The following SHROOM3 variants were observed in gnomAD, a reference collection of about 807,000 sequenced individuals.
SHROOM3 encodes protein Shroom3.
A neutral mutation model predicts 138.6 loss-of-function variants in SHROOM3; 47 were observed. The observed-to-expected ratio is 0.34, with a 90% confidence interval of 0.27 to 0.43. The LOEUF is 0.43. Among genes scored for constraint, SHROOM3 ranks in the 20% least tolerant of loss-of-function variants. SHROOM3 has a pLI of 1.00. For synonymous variants in SHROOM3, 1,062 were observed against 1,063.3 expected (o/e 1.00, Z 0.02); for missense variants, 2,491 against 2,596.5 (o/e 0.96, Z 0.88).
chr4:76,660,953 C>A (rs1204278521), intron 2 of SHROOM3, among the ~76,000 whole-genome samples: 1 of 152,068 alleles, frequency 6.6e-6, no homozygotes. Flanking sequence ...GCATGTACCA[C>A]CATGCCGGCT....
At chr4:76,681,681 C>T (rs1020798173) in intron 2 of SHROOM3, among the ~76,000 whole-genome samples, 2 of 137,132 alleles carry the variant, frequency 1.5e-5, no homozygotes, top group Admixed American at 7.7e-5. Context: ...TCACCATTCC[C>T]CATGCTAGTG....
chr4:76,707,386 C>T (rs185541225), intron 2 of SHROOM3, among the ~76,000 whole-genome samples: 2 of 152,070 alleles, frequency 1.3e-5, no homozygotes, highest in Non-Finnish European at 2.9e-5. Context: ...GGACTTAAAC[C>T]CTCATTCATT....
At chr4:76,572,731 T>C (rs1577893723) in intron 2 of SHROOM3, among the ~76,000 whole-genome samples, 1 of 152,180 alleles carries the variant, frequency 6.6e-6, no homozygotes, top group South Asian at 2.1e-4. Context: ...TTATGGTTTG[T>C]GGGTAGGAAG....
intron 5 of SHROOM3, among the ~76,000 whole-genome samples, chr4:76,748,181 TAAACAA>T (rs1721504126): frequency 6.6e-6 from 1 of 152,102 alleles, no homozygotes; most frequent in African/African-American, 2.4e-5. Flanking sequence ...TCTCAACCAC[TAAACAA>T]AAACAATGAG....
intron 1 of SHROOM3, among the ~76,000 whole-genome samples, chr4:76,469,365 G>C (rs1731318862): frequency 6.6e-6 from 1 of 152,162 alleles, no homozygotes; most frequent in South Asian, 2.1e-4. Context: ...GCAGGTTAAG[G>C]GATGTGTAGT....
At chr4:76,669,559 AGCCGAGATCGG>A (rs1718815809) in intron 2 of SHROOM3, among the ~76,000 whole-genome samples, 1 of 151,990 alleles carries the variant, frequency 6.6e-6, no homozygotes, top group African/African-American at 2.4e-5. Flanking sequence ...GGTTGCAGTG[AGCCGAGATCGG>A]GCCACTGCAC....
Position 76,676,835 on chromosome 4 carries a change from C to G in SHROOM3, c.324-33321C>G, listed in dbSNP as rs377745075. 2.0e-5 allele frequency among the ~76,000 whole-genome samples: 3 copies of G among 149,140 alleles called. No homozygotes were observed. In the South Asian group the frequency reaches 6.4e-4, roughly 32 times the overall value. ...GCCGGCGCCTGTAGTCCCAGCTACT[C>G]GGGAGGCTGAGGCAGGAGAATGGCG... is the stretch of plus-strand genomic sequence containing the variant. On this transcript the variant is annotated intron_variant, in intron 2 of 10. Coordinates refer to ENST00000296043, the MANE Select transcript of SHROOM3 (RefSeq NM_020859.4).
At chr4:76,588,630 C>G (rs1038603958) in intron 2 of SHROOM3, among the ~76,000 whole-genome samples, 1 of 152,158 alleles carries the variant, frequency 6.6e-6, no homozygotes, top group Non-Finnish European at 1.5e-5. Context: ...GCCTTGGCCC[C>G]TGACTTTTCC....
At chr4:76,630,261 G>C (rs554730568) in intron 2 of SHROOM3, among the ~76,000 whole-genome samples, 2 of 152,288 alleles carry the variant, frequency 1.3e-5, no homozygotes, top group South Asian at 4.1e-4. Flanking sequence ...ACACGAAATG[G>C]TTACAGCGGG....
chr4:76,451,190 T>C (rs1030094417), intron 1 of SHROOM3, among the ~76,000 whole-genome samples: 1 of 152,174 alleles, frequency 6.6e-6, no homozygotes, highest in South Asian at 2.1e-4. Context: ...CCTCAGATGA[T>C]CCACCTGCCT....
At chr4:76,695,359 T>C (rs1465295390) in intron 2 of SHROOM3, among the ~76,000 whole-genome samples, 3 of 152,192 alleles carry the variant, frequency 2.0e-5, no homozygotes, top group Admixed American at 2.0e-4. Context: ...TGACCTATGC[T>C]TTGTGAGGTC....
intron 5 of SHROOM3, among the ~76,000 whole-genome samples, chr4:76,743,631 G>C (rs1721335162): frequency 6.6e-6 from 1 of 152,136 alleles, no homozygotes; most frequent in Non-Finnish European, 1.5e-5. Flanking sequence ...ATAGATACTA[G>C]TGATGGAGCT....
At chr4:76,490,627 G>A (rs567227383) in intron 1 of SHROOM3, among the ~76,000 whole-genome samples, 2 of 152,282 alleles carry the variant, frequency 1.3e-5, no homozygotes, top group African/African-American at 2.4e-5. Flanking sequence ...GGAAGTTGGC[G>A]TGAAACAGCC....
chr4:76,500,524 A>G (rs971240512), intron 1 of SHROOM3, among the ~76,000 whole-genome samples: 1 of 152,216 alleles, frequency 6.6e-6, no homozygotes, highest in East Asian at 1.9e-4. Flanking sequence ...TTTAGTGGAT[A>G]CTACCAAATA....
chr4:76,564,669 G>C (rs929106032), intron 2 of SHROOM3, among the ~76,000 whole-genome samples: 2 of 152,112 alleles, frequency 1.3e-5, no homozygotes, highest in Non-Finnish European at 2.9e-5. Context: ...TTTATTCAAT[G>C]GGTTACATAT....
intron 2 of SHROOM3, among the ~76,000 whole-genome samples, chr4:76,647,991 A>G (rs1735863872): frequency 6.6e-6 from 1 of 152,132 alleles, no homozygotes; most frequent in South Asian, 2.1e-4. Context: ...TTTTATAATA[A>G]TATTTATCCA....
At chr4:76,566,063 C>T (rs141517258) in intron 2 of SHROOM3, among the ~76,000 whole-genome samples, 9 of 144,142 alleles carry the variant, frequency 6.2e-5, no homozygotes, top group Non-Finnish European at 1.0e-4. Flanking sequence ...GAGCCATGAT[C>T]GGGCCACTGC....
At chr4:76,549,491 C>G (rs1344914202) in intron 1 of SHROOM3, among the ~76,000 whole-genome samples, 1 of 152,056 alleles carries the variant, frequency 6.6e-6, no homozygotes, top group East Asian at 1.9e-4. Flanking sequence ...ACCTCAGCCT[C>G]CTGAGTAGCT....
At chr4:76,777,435 T>C (rs1302191797) in intron 10 of SHROOM3, among the ~76,000 whole-genome samples, 1 of 152,240 alleles carries the variant, frequency 6.6e-6, no homozygotes, top group Non-Finnish European at 1.5e-5. Flanking sequence ...CTTATTTGTG[T>C]ACATTGATTT....
Sources: gnomAD v4.1 joint callset for allele counts (sites outside exome capture counted in the v4.1 genomes callset) on GRCh38, gnomAD v4.1.1 for gene constraint, MANE v1.5 for transcripts, NCBI Gene and HGNC (gene_info 2026-07-23, HGNC 2026-07-21) for gene names.